Variants in RBFOX1 observed in about 807,000 individuals in gnomAD.
The protein encoded by RBFOX1 is RNA binding protein fox-1 homolog 1.
RBFOX1 carries 8 observed loss-of-function variants against 57.7 expected under a neutral mutation model. That is an observed-to-expected ratio of 0.14 (90% CI 0.08 to 0.25). The LOEUF is 0.25. RBFOX1 is among the 10% of genes least tolerant of loss of function. RBFOX1 has a pLI of 1.00. For missense variants in RBFOX1, 611 were observed against 548.5 expected (o/e 1.11, Z -1.14); for synonymous variants, 326 against 222.4 (o/e 1.47, Z -4.15).
intron 3 of RBFOX1, among the ~76,000 whole-genome samples, chr16:7,012,985 C>G (rs1259095876): frequency 6.6e-6 from 1 of 152,096 alleles, no homozygotes; most frequent in African/African-American, 2.4e-5. Context: ...TCTTCAGTGG[C>G]GTTTCCTCAG....
chr16:6,880,361 T>C (rs2062689041), intron 3 of RBFOX1, among the ~76,000 whole-genome samples: 2 of 152,174 alleles, frequency 1.3e-5, no homozygotes, highest in South Asian at 2.1e-4. Flanking sequence ...TTTTTAGTAT[T>C]ATACTTTCCA....
At chr16:6,440,802 A>G (rs1045795435) in intron 2 of RBFOX1, among the ~76,000 whole-genome samples, 9 of 55,846 alleles carry the variant, frequency 1.6e-4, no homozygotes, top group Non-Finnish European at 1.3e-4. Context: ...CACCATCTGG[A>G]AAAAAAAAAA....
chr16:6,387,166 T>C (rs1359780430), intron 2 of RBFOX1, among the ~76,000 whole-genome samples: 1 of 152,186 alleles, frequency 6.6e-6, no homozygotes, highest in East Asian at 1.9e-4. Flanking sequence ...GGATGAAGCG[T>C]TGGCCTTGAG....
chr16:6,271,017 C>A (rs2075146431), intron 1 of RBFOX1, among the ~76,000 whole-genome samples: 1 of 152,154 alleles, frequency 6.6e-6, no homozygotes, highest in Non-Finnish European at 1.5e-5. Context: ...AAATACATCA[C>A]AATTTGTGGG....
At chr16:7,626,923 G>T (rs983976591) in intron 10 of RBFOX1, among the ~76,000 whole-genome samples, 1 of 152,146 alleles carries the variant, frequency 6.6e-6, no homozygotes, top group Non-Finnish European at 1.5e-5. Context: ...TGGCTCTACC[G>T]CAGGTGGATT....
intron 4 of RBFOX1, among the ~76,000 whole-genome samples, chr16:7,122,400 G>T (rs67180561): frequency 0.41 from 62,704 of 151,746 alleles, 13,364 homozygotes; most frequent in Admixed American, 0.48. Flanking sequence ...GTCCTGAGTG[G>T]GGGGAAAAGA....
intron 12 of RBFOX1, among the ~76,000 whole-genome samples, chr16:7,654,901 ATCAGAC>A (rs778786213): frequency 1.3e-5 from 2 of 152,224 alleles, no homozygotes; most frequent in Non-Finnish European, 2.9e-5. Context: ...AGAAAGAATT[ATCAGAC>A]TCAAAGTCAG....
At chr16:6,402,703 G>T (rs1050483652) in intron 2 of RBFOX1, among the ~76,000 whole-genome samples, 1 of 152,144 alleles carries the variant, frequency 6.6e-6, no homozygotes, top group Admixed American at 6.5e-5. Flanking sequence ...CATTTATTTA[G>T]AAAACATGGT....
intron 4 of RBFOX1, among the ~76,000 whole-genome samples, chr16:7,087,929 A>T (rs73540781): frequency 6.6e-6 from 1 of 151,648 alleles, no homozygotes. Flanking sequence ...TTTCTCTCTG[A>T]TTAATAAATT....
chr16:6,308,240 A>G (rs1162072553), intron 1 of RBFOX1, among the ~76,000 whole-genome samples: 1 of 152,138 alleles, frequency 6.6e-6, no homozygotes, highest in Non-Finnish European at 1.5e-5. Flanking sequence ...ACATCCTATA[A>G]ATGATCATCA....
rs138431525 is a variant in RBFOX1 at position 6,253,799 on chromosome 16, C to T, written c.-126-63196C>T. Among the ~76,000 whole-genome samples the T allele has an allele frequency of 5.1e-4, 78 of 151,984 alleles. 1 individual carries two copies. The highest frequency in any genetic ancestry group is 1.6e-3 in the African/African-American group (66 of 41,440). On this transcript the variant is annotated intron_variant, in intron 1 of 15. Transcript: ENST00000550418. The stretch of plus-strand genomic sequence containing the variant: ...TGCTGTCTTTCTCTTTCTTCTGAGT[C>T]GTCTGACCAGCTTGCTGCATTTGCA...
chr16:6,472,778 A>C (rs1253938526), intron 2 of RBFOX1, among the ~76,000 whole-genome samples: 1 of 151,768 alleles, frequency 6.6e-6, no homozygotes, highest in African/African-American at 2.4e-5. Flanking sequence ...GTGCGCCACC[A>C]TGCCCAGCTG....
At chr16:5,331,398 T>A (rs945796016) in intron 1 of RBFOX1, among the ~76,000 whole-genome samples, 8 of 152,344 alleles carry the variant, frequency 5.3e-5, no homozygotes, top group Admixed American at 3.9e-4. Flanking sequence ...TGGGCTGATC[T>A]TGGCTAGACT....
intron 1 of RBFOX1, among the ~76,000 whole-genome samples, chr16:5,357,446 C>T (rs764520062): frequency 1.4e-4 from 21 of 152,202 alleles, no homozygotes; most frequent in Non-Finnish European, 2.6e-4. Context: ...ACGCAGTCTA[C>T]AGGGAGAGAG....
intron 1 of RBFOX1, among the ~76,000 whole-genome samples, chr16:6,192,604 C>G (rs1256216826): frequency 6.6e-6 from 1 of 152,102 alleles, no homozygotes; most frequent in East Asian, 1.9e-4. Flanking sequence ...AAATGGTATG[C>G]AAACTTCAGA....
intron 4 of RBFOX1, among the ~76,000 whole-genome samples, chr16:7,301,158 G>A (rs1489613357): frequency 1.3e-5 from 2 of 152,204 alleles, no homozygotes; most frequent in Admixed American, 1.3e-4. Flanking sequence ...AGCGATGATT[G>A]TGGATATGAT....
intron 4 of RBFOX1, among the ~76,000 whole-genome samples, chr16:7,480,001 G>A (rs1025067638): frequency 1.3e-5 from 2 of 152,214 alleles, no homozygotes; most frequent in African/African-American, 2.4e-5. Flanking sequence ...ATAGGTGCCA[G>A]TTCCAGCCTG....
At chr16:6,237,376 A>G (rs554689994) in intron 1 of RBFOX1, among the ~76,000 whole-genome samples, 13 of 152,318 alleles carry the variant, frequency 8.5e-5, no homozygotes, top group Admixed American at 7.8e-4. Flanking sequence ...GTCTGACCCT[A>G]TAAAGGTGAA....
At chr16:6,847,739 C>T (rs1013567504) in intron 3 of RBFOX1, among the ~76,000 whole-genome samples, 1 of 152,222 alleles carries the variant, frequency 6.6e-6, no homozygotes, top group East Asian at 1.9e-4. Flanking sequence ...AATGCTTACA[C>T]ATTTTTATTC....
Sources: gnomAD v4.1 joint callset for allele counts (sites outside exome capture counted in the v4.1 genomes callset) on GRCh38, gnomAD v4.1.1 for gene constraint, MANE v1.5 for transcripts, NCBI Gene and HGNC (gene_info 2026-07-23, HGNC 2026-07-21) for gene names.